IFT46: variants seen among roughly 807,000 people sequenced by gnomAD.
The protein encoded by IFT46 is intraflagellar transport 46, also known as intraflagellar transport protein 46 homolog.
In IFT46, 19 loss-of-function variants were observed where a neutral mutation model predicts 39.6. That is an observed-to-expected ratio of 0.48 (90% CI 0.33 to 0.70). The LOEUF (loss-of-function observed/expected upper bound fraction) is 0.70, where lower values mean the gene tolerates loss of function less well. Among genes scored for constraint, IFT46 ranks in the 30% least tolerant of loss-of-function variants. The pLI is 0.01. For missense variants in IFT46, 334 were observed against 364.8 expected (o/e 0.92, Z 0.69); for synonymous variants, 117 against 134.8 (o/e 0.87, Z 0.91).
At chr11:118,573,337 G>A (rs183686280), upstream of IFT46, among the ~76,000 whole-genome samples, 2 of 152,230 alleles carry the variant, frequency 1.3e-5, no homozygotes, top group African/African-American at 4.8e-5. Context: ...GGAGTAAGAG[G>A]GATGGGTTAG....
chr11:118,561,132 G>T, intron 2 of IFT46: 1 of 1,481,328 alleles, frequency 6.8e-7, no homozygotes, highest in Non-Finnish European at 9.3e-7. Flanking sequence ...TTGGATACAG[G>T]TCTTGCCAGA....
At chr11:118,559,749 C>A (rs1555070228) in intron 3 of IFT46, 36 bp downstream of exon 3, 1 of 1,576,012 alleles carries the variant, frequency 6.3e-7, no homozygotes, top group East Asian at 2.2e-5. Flanking sequence ...AAACCCAAAG[C>A]AGAAATTCTA....
intron 9 of IFT46, among the ~76,000 whole-genome samples, chr11:118,548,743 G>A (rs1232118495): frequency 7.9e-5 from 12 of 151,092 alleles, no homozygotes; most frequent in African/African-American, 1.9e-4. Flanking sequence ...CTCTTGCCTC[G>A]CCCTCCCAAA....
At chr11:118,559,333 C>T (rs11216896) in intron 3 of IFT46, among the ~76,000 whole-genome samples, 23,962 of 152,028 alleles carry the variant, frequency 0.16, 2,382 homozygotes, top group East Asian at 0.49. Flanking sequence ...TTAAAATCTC[C>T]TTCACAAAAT....
chr11:118,573,115 T>C (rs1555072762), upstream of IFT46: 2 of 159,878 alleles, frequency 1.3e-5, no homozygotes, highest in Non-Finnish European at 2.8e-5. Context: ...CACTAATGTA[T>C]AGGACCCAAG....
upstream of IFT46, among the ~76,000 whole-genome samples, chr11:118,569,755 G>C (rs1938298092): frequency 1.3e-5 from 2 of 152,148 alleles, no homozygotes; most frequent in South Asian, 2.1e-4. Flanking sequence ...ATTCTTGTGA[G>C]GATTAAATGA....
At chr11:118,545,764 G>A in intron 10 of IFT46, 29 bp downstream of exon 10, 1 of 1,605,586 alleles carries the variant, frequency 6.2e-7, no homozygotes, top group Non-Finnish European at 8.5e-7. Flanking sequence ...ATCCAGAGAT[G>A]GGGACGAGGA....
chr11:118,554,112 A>G (rs1937744960), intron 7 of IFT46, among the ~76,000 whole-genome samples: 1 of 148,358 alleles, frequency 6.7e-6, no homozygotes, highest in Non-Finnish European at 1.5e-5. Context: ...GTGCAGTGGC[A>G]TGATCTCGAC....
exon 1 of IFT46, chr11:118,572,603 C>T (rs1279915016): frequency 2.5e-6 from 4 of 1,589,154 alleles, no homozygotes; most frequent in Middle Eastern, 1.7e-4. Context: ...CACCGTCTCT[C>T]CTTGTCGGCG....
intron 2 of IFT46, among the ~76,000 whole-genome samples, chr11:118,564,677 A>G (rs1000373287): frequency 5.3e-5 from 8 of 152,156 alleles, no homozygotes; most frequent in Non-Finnish European, 1.2e-4. Context: ...TAGGAAAAAC[A>G]TAAGTTAAAA....
chr11:118,557,863 G>C, intron 3 of IFT46: 1 of 1,607,996 alleles, frequency 6.2e-7, no homozygotes, highest in Non-Finnish European at 8.5e-7. Flanking sequence ...CTGTGGCCTG[G>C]AGCCTGTGGC....
At chr11:118,562,809 T>C (rs1481695140) in intron 2 of IFT46, among the ~76,000 whole-genome samples, 2 of 152,222 alleles carry the variant, frequency 1.3e-5, no homozygotes, top group Admixed American at 1.3e-4. Flanking sequence ...CTCACGCCTG[T>C]AATCCCAACA....
At chr11:118,555,364 AGC>A in intron 4 of IFT46, 42 bp from the exon 5 acceptor site, 1 of 1,502,636 alleles carries the variant, frequency 6.7e-7, no homozygotes, top group Non-Finnish European at 9.3e-7. Context: ...GCCAGAGAAG[AGC>A]AGAGGTGGCA....
chr11:118,575,320 A>G (rs1488169833), upstream of IFT46, among the ~76,000 whole-genome samples: 3 of 152,150 alleles, frequency 2.0e-5, no homozygotes, highest in Non-Finnish European at 4.4e-5. Flanking sequence ...TTTGAGGGAC[A>G]GCAAAGAAAG....
chr11:118,576,426 TAAAAAAAAAAAAAAA>T (rs10671866), upstream of IFT46, among the ~76,000 whole-genome samples: 2 of 108,778 alleles, frequency 1.8e-5, no homozygotes, highest in Non-Finnish European at 3.5e-5. Context: ...CCAAAAATGT[TAAAAAAAAAAAAAAA>T]AAAAAAAACC....
At chr11:118,563,685 C>T (rs549851775) in intron 2 of IFT46, among the ~76,000 whole-genome samples, 1 of 152,308 alleles carries the variant, frequency 6.6e-6, no homozygotes, top group Admixed American at 6.5e-5. Context: ...GTGCTTCCTG[C>T]CCTACCTCTC....
At chr11:118,554,330 A>T in intron 7 of IFT46, 129 bp downstream of exon 7, 1 of 842,904 alleles carries the variant, frequency 1.2e-6, no homozygotes, top group African/African-American at 1.7e-5. Flanking sequence ...TGCTGGGATT[A>T]CAGGCGTGAG....
At position 118,555,043 on chromosome 11, in the gene IFT46, G is replaced by T. The variant is rs145438119; in HGVS notation, c.301C>A (p.Pro101Thr). ...QLIDLDHKLK[P>T]FIPDFIPAVG... ...GCTGGGATAAAATCAGGAATGAAAG[G>T]CTTCAGTTTGTGGTCCAGGTCAATC... Residue 101 changes from proline (P) to threonine (T), a missense_variant, in exon 6 of 12, where the codon CCT becomes ACT. Physicochemically the swap from Pro to Thr is conservative, Grantham distance 38. Transcript: ENST00000264021. 1.2e-6 allele frequency: 2 copies of T among 1,613,910 alleles called. No individual in the cohort carries two copies. The highest frequency in any genetic ancestry group is 1.7e-5 in the Admixed American group (1 of 60,024).
At chr11:118,570,923 T>A (rs1471997499), upstream of IFT46, among the ~76,000 whole-genome samples, 1 of 152,100 alleles carries the variant, frequency 6.6e-6, no homozygotes, top group Non-Finnish European at 1.5e-5. Flanking sequence ...ATTTTTTTTT[T>A]AAGAGTCTAA....
Sources: allele counts gnomAD v4.1 joint callset (sites outside exome capture counted in the v4.1 genomes callset), GRCh38; gene constraint gnomAD v4.1.1; transcripts MANE v1.5; gene names NCBI Gene and HGNC (gene_info 2026-07-23, HGNC 2026-07-21).